Variants in KCTD17 observed in about 807,000 individuals in gnomAD.
KCTD17 encodes BTB/POZ domain-containing protein KCTD17.
In KCTD17, 20 loss-of-function variants were observed where a neutral mutation model predicts 41.5. That is an observed-to-expected ratio of 0.48 (90% confidence interval 0.34 to 0.70). The LOEUF (loss-of-function observed/expected upper bound fraction) is 0.70, where lower values mean the gene tolerates loss of function less well. Among genes scored for constraint, KCTD17 ranks in the 30% least tolerant of loss-of-function variants. The probability of loss-of-function intolerance (pLI) is 0.01; values close to 1 mark genes in which losing one functional copy is unlikely to be tolerated. For synonymous variants in KCTD17, 156 were observed against 173.8 expected, an observed-to-expected ratio of 0.90 and a Z score of 0.80; for missense variants, 317 against 427.2, an observed-to-expected ratio of 0.74 and a Z score of 2.27.
At chr22:37,060,349 C>T (rs974941204) in intron 5 of KCTD17, among the ~76,000 whole-genome samples, 1 of 151,910 alleles carries the variant, frequency 6.6e-6, no homozygotes, top group Admixed American at 6.5e-5. Flanking sequence ...GGGTGCAGAG[C>T]GAGACTGCTC....
chr22:37,052,565 C>T (rs1226038815), intron 1 of KCTD17: 1 of 470,630 alleles, frequency 2.1e-6, no homozygotes, highest in Non-Finnish European at 4.4e-6. Context: ...TCCTGTCCCC[C>T]ATCCGTGACC....
At position 37,061,133 on chromosome 22, in the gene KCTD17, T is replaced by C. The variant is rs1251114274; in HGVS notation, c.742T>C (p.Phe248Leu). The C allele has an allele frequency of 1.9e-6, 3 of 1,551,182 alleles. No individual in the cohort carries two copies. Among genetic ancestry groups the C allele is most frequent in the Non-Finnish European group, 2.6e-6 (3 of 1,146,952 alleles). The stretch of plus-strand genomic sequence containing the variant: ...GTCATCTCAGGATCCCGCTAACCTT[T>C]TCTCCCTCCCACCACTGCCTCCTCC... Reference protein sequence around the residue: ...AQSSQDPANLFSLPPLPPPPL... With the variant: ...AQSSQDPANLLSLPPLPPPPL... The change falls in exon 7 of 9, where the codon TTC becomes CTC. Residue 248 changes from phenylalanine to leucine, a missense_variant. This residue lies in a region of KCTD17 where 177 missense variants were observed against 194.4 expected (regional missense o/e 0.91). Coordinates refer to ENST00000403888, the MANE Select transcript of KCTD17 (RefSeq NM_001282684.2). The surrounding 1 kb of genome is among the most constrained non-coding windows in gnomAD (Gnocchi z 6.6).
Position 37,052,546 on chromosome 22 carries a change from T to C in KCTD17, c.190-554T>C, listed in dbSNP as rs572353542. The C allele has an allele frequency of 1.5e-4, 71 of 469,860 alleles. 1 individual carries two copies. The highest frequency in any genetic ancestry group is 1.3e-3 in the Admixed American group (54 of 42,596). 29.1% of individuals were successfully genotyped at this position (469,860 alleles called of 1,614,324 possible). A position where few individuals can be genotyped will look rare whatever the true frequency, so the allele number is the denominator to read the frequency against. On this transcript the variant is annotated intron_variant, in intron 1 of 8. Transcript: ENST00000403888. ...ACGAAGGGCTGGTCTGAAGATGACCTCTAAGGTCTCCTGTCCCCCATCCGT... is the reference window on the plus strand; with the variant it reads ...ACGAAGGGCTGGTCTGAAGATGACCCCTAAGGTCTCCTGTCCCCCATCCGT...
At chr22:37,054,548 A>T (rs1212013473) in intron 2 of KCTD17, among the ~76,000 whole-genome samples, 1 of 152,078 alleles carries the variant, frequency 6.6e-6, no homozygotes, top group Non-Finnish European at 1.5e-5. Flanking sequence ...GCTAGGGCTC[A>T]TCCAGGGGAT....
rs781727680 is a variant in KCTD17 at position 37,060,940 on chromosome 22, G to A, written c.712+18G>A. ...GGAGAAAGGTGCAGCCAACCCCCAG[G>A]AGGATGATTGCTAAGCAAAGCCGGA... is the stretch of plus-strand genomic sequence containing the variant. On this transcript the variant is annotated intron_variant, in intron 6 of 8. Coordinates refer to ENST00000403888, the MANE Select transcript of KCTD17 (RefSeq NM_001282684.2). 3.0e-5 allele frequency: 46 copies of A among 1,537,290 alleles called. No homozygotes were observed. The highest frequency in any genetic ancestry group is 7.4e-5 in the South Asian group (6 of 81,494).
chr22:37,053,257 C>A lies in KCTD17; in HGVS notation c.298+49C>A. On this transcript the variant is annotated intron_variant, in intron 2 of 8. Transcript: ENST00000403888. This position sits in a 1 kb window ranked among gnomAD's most constrained non-coding sequence, Gnocchi z 4.1. The stretch of plus-strand genomic sequence containing the variant: ...CTGGACCTTATGCAGCCTGCCAGGG[C>A]CCTCTGTGGAGGCCCCAAGCCATTT... 7.0e-7 allele frequency: 1 copy of A among 1,430,846 alleles called. No homozygotes were observed. Among genetic ancestry groups the A allele is most frequent in the Non-Finnish European group, 9.6e-7 (1 of 1,037,280 alleles). 88.6% of individuals were successfully genotyped at this position (1,430,846 alleles called of 1,614,324 possible). A position where few individuals can be genotyped will look rare whatever the true frequency, so the allele number is the denominator to read the frequency against.
chr22:37,052,447 C>CT, intron 1 of KCTD17: 1 of 447,494 alleles, frequency 2.2e-6, no homozygotes, highest in South Asian at 1.6e-5. Flanking sequence ...CCTGACTCTG[C>CT]TGCACACTGC....
Position 37,062,735 on chromosome 22 carries a change from C to T in KCTD17, c.*141C>T, listed in dbSNP as rs1223002276. The T allele has an allele frequency of 6.8e-6, 10 of 1,473,216 alleles. No individual in the cohort carries two copies. Among genetic ancestry groups the T allele is most frequent in the Admixed American group, 2.4e-5 (1 of 41,222 alleles). The allele number at this position is 1,473,216 out of a possible 1,614,324, so 91.3% of individuals were successfully genotyped here. A position where few individuals can be genotyped will look rare whatever the true frequency, so the allele number is the denominator to read the frequency against. On this transcript the variant is annotated 3_prime_UTR_variant, in exon 9 of 9. Coordinates refer to ENST00000403888, the MANE Select transcript of KCTD17 (RefSeq NM_001282684.2). Reference sequence around the variant, plus strand: ...GCGGGGCGGGGCCCCCCTGGGACCTCTTAAGGCCCAAGGTGGGCCCCAGGA... The same window carrying T: ...GCGGGGCGGGGCCCCCCTGGGACCTTTTAAGGCCCAAGGTGGGCCCCAGGA...
Position 37,051,814 on chromosome 22 carries a change from C to A in KCTD17, c.54C>A (p.Ala18=). Reference sequence around the variant, plus strand: ...CGCCGGCGGGGGCGGGCGGCCGCGCCGCAGGCGGCTGGGGCAAGTGGGTGC... The same window carrying A: ...CGCCGGCGGGGGCGGGCGGCCGCGCAGCAGGCGGCTGGGGCAAGTGGGTGC... ...AAPPAGAGGR[A]AGGWGKWVRL... is the part of the protein sequence containing the mutation. The change falls in exon 1 of 9, where the codon GCC becomes GCA. Residue 18 remains alanine, a synonymous_variant. Transcript: ENST00000403888. 1 of 1,285,478 alleles carries A rather than the reference C, an allele frequency of 7.8e-7. No homozygotes were observed. The highest frequency in any genetic ancestry group is 2.5e-5 in the South Asian group (1 of 39,914). 79.6% of individuals were successfully genotyped at this position (1,285,478 alleles called of 1,614,324 possible).
intron 3 of KCTD17, 118 bp from the exon 4 acceptor site, chr22:37,057,280 T>C: frequency 1.3e-6 from 1 of 798,078 alleles, no homozygotes; most frequent in Non-Finnish European, 2.2e-6. Flanking sequence ...ACCTCTTCTT[T>C]CTCTCCCTCT....
intron 3 of KCTD17, among the ~76,000 whole-genome samples, chr22:37,056,701 G>A (rs527744133): frequency 1.6e-4 from 24 of 152,342 alleles, no homozygotes; most frequent in African/African-American, 5.8e-4. Context: ...GATAGAGAGG[G>A]GTGGGAATGG....
intron 2 of KCTD17, 83 bp from the exon 3 acceptor site, chr22:37,056,237 T>G (rs1601488370): frequency 1.7e-6 from 2 of 1,171,912 alleles, no homozygotes; most frequent in Non-Finnish European, 1.2e-6. Flanking sequence ...GAGCGAGAGG[T>G]GGGTTTCGGG....
In KCTD17 at chr22:37,059,001, C is replaced by T. The variant is rs1236406121; in HGVS notation, c.487-312C>T. ...CTCCGCCTGCATTTAGAAAAGGGCC[C>T]CCTGGCTCTGGGGCTAGGCTGGAGG... On this transcript the variant is annotated intron_variant, in intron 4 of 8. Coordinates refer to ENST00000403888, the MANE Select transcript of KCTD17 (RefSeq NM_001282684.2). Among the ~76,000 whole-genome samples, 6 of 152,304 alleles carry T rather than the reference C, an allele frequency of 3.9e-5. No homozygotes were observed. In the East Asian group the frequency reaches 1.2e-3, roughly 29 times the overall value.
At position 37,059,318 on chromosome 22, in the gene KCTD17, G is replaced by C; in HGVS notation, c.492G>C (p.Val164=). 1 of 1,612,732 alleles carries C rather than the reference G, an allele frequency of 6.2e-7. No individual in the cohort carries two copies. The highest frequency in any genetic ancestry group is 1.1e-5 in the South Asian group (1 of 91,078). ...MSDGWRFEQL[V]NIGSSYNYGS... is the part of the protein sequence containing the mutation. ...CCCATGCTCCGCCCCTCTAGCTGGT[G>C]AACATCGGCTCCTCCTACAACTACG... is the stretch of plus-strand genomic sequence containing the variant. Residue 164 remains valine, a synonymous_variant, in exon 5 of 9, where the codon GTG becomes GTC. Coordinates refer to ENST00000403888, the MANE Select transcript of KCTD17 (RefSeq NM_001282684.2).
intron 1 of KCTD17, 48 bp downstream of exon 1, chr22:37,051,997 G>T (rs1481333009): frequency 3.0e-6 from 4 of 1,345,084 alleles, no homozygotes; most frequent in South Asian, 1.7e-5. Context: ...TCCTCCGCTC[G>T]CCCGACGCGG....
Position 37,059,559 on chromosome 22 carries a change from C to T in KCTD17, c.612+121C>T, listed in dbSNP as rs1925538085. On this transcript the variant is annotated intron_variant, in intron 5 of 8. Coordinates refer to ENST00000403888, the MANE Select transcript of KCTD17 (RefSeq NM_001282684.2). ...CCTCTCTCCCGCCACCGCCCATGCA[C>T]AACCCCATGCTCACAGCCACCGCCA... 69 of 1,180,102 alleles carry T rather than the reference C, an allele frequency of 5.8e-5. No homozygotes were observed. The South Asian group carries it at 9.6e-4, about 16-fold the overall frequency. The allele number at this position is 1,180,102 out of a possible 1,614,324, so 73.1% of individuals were successfully genotyped here. A position where few individuals can be genotyped will look rare whatever the true frequency, so the allele number is the denominator to read the frequency against.
intron 8 of KCTD17, chr22:37,062,315 T>TC (rs1925887342): frequency 1.0e-6 from 1 of 983,526 alleles, no homozygotes; most frequent in Non-Finnish European, 1.2e-6. Context: ...CCCTTGCTGC[T>TC]CCCCCCAACT....
chr22:37,057,434 C>CAGG lies in KCTD17; in HGVS notation c.436_438dup (p.Glu146dup). On this transcript the variant is annotated inframe_insertion, in exon 4 of 9. Transcript: ENST00000403888. ...GCACGTGTACCGCGTGCTGCAGTGCCAGGAGGAGGAGCTCACGCAAATGGT... is the reference window on the plus strand; with the variant it reads ...GCACGTGTACCGCGTGCTGCAGTGCCAGGAGGAGGAGGAGCTCACGCAAATGGT... The CAGG allele has an allele frequency of 6.2e-7, 1 of 1,613,562 alleles. No individual in the cohort carries two copies. The highest frequency in any genetic ancestry group is 8.5e-7 in the Non-Finnish European group (1 of 1,179,782).
At chr22:37,052,256 C>T (rs946787573) in intron 1 of KCTD17, 8 of 417,476 alleles carry the variant, frequency 1.9e-5, no homozygotes, top group Non-Finnish European at 3.6e-5. Context: ...CCTTTCCTCC[C>T]TCCCAAAGGG....
Sources: allele counts gnomAD v4.1 joint callset (sites outside exome capture counted in the v4.1 genomes callset), GRCh38; gene constraint gnomAD v4.1.1; regional missense constraint gnomAD v4.1.1; non-coding constraint Gnocchi (gnomAD v3.1); transcripts MANE v1.5; gene names NCBI Gene and HGNC (gene_info 2026-07-23, HGNC 2026-07-21).